The following RIT2 variants were observed in gnomAD, a reference collection of about 807,000 sequenced individuals.
The protein encoded by RIT2 is GTP-binding protein Rit2.
In RIT2, 24 loss-of-function variants were observed where a neutral mutation model predicts 23.7. That is an observed-to-expected ratio of 1.01 (90% confidence interval 0.73 to 1.43). The LOEUF is 1.43. Ranked by LOEUF, RIT2 falls within the 40% of genes most tolerant of loss-of-function variation. RIT2 has a pLI of 0.00. For missense variants in RIT2, 236 were observed against 266.9 expected, an observed-to-expected ratio of 0.88 and a Z score of 0.81; for synonymous variants, 107 against 91.1, an observed-to-expected ratio of 1.17 and a Z score of -0.99.
intron 4 of RIT2, among the ~76,000 whole-genome samples, chr18:42,859,905 G>A (rs1907282040): frequency 6.6e-6 from 1 of 151,780 alleles, no homozygotes. Flanking sequence ...AAGTAGCTGG[G>A]ACTACAGGTG....
intron 2 of RIT2, among the ~76,000 whole-genome samples, chr18:42,974,844 A>G (rs188138269): frequency 1.3e-5 from 2 of 152,082 alleles, no homozygotes; most frequent in Non-Finnish European, 2.9e-5. Flanking sequence ...GAATTAACAA[A>G]GGATGTGAAG....
chr18:42,974,186 A>G, intron 2 of RIT2, 39 bp from the exon 3 acceptor site: 7 of 1,356,428 alleles, frequency 5.2e-6, no homozygotes, highest in Non-Finnish European at 7.3e-6. Flanking sequence ...TAAATGTGAC[A>G]GGAAAGGCAT....
chr18:42,995,072 C>T (rs1483592127), intron 2 of RIT2, among the ~76,000 whole-genome samples: 2 of 152,102 alleles, frequency 1.3e-5, no homozygotes, highest in African/African-American at 4.8e-5. Context: ...TGTTCCTCAC[C>T]CTGATCACAC....
At chr18:42,920,180 G>A (rs1360834142) in intron 4 of RIT2, among the ~76,000 whole-genome samples, 3 of 152,120 alleles carry the variant, frequency 2.0e-5, no homozygotes, top group South Asian at 4.1e-4. Flanking sequence ...TCCATAAGAT[G>A]CTACTGCTCT....
Position 42,743,425 on chromosome 18 carries a change from G to C in RIT2, c.*68C>G, listed in dbSNP as rs1306484028. ...CACATAGAGAGATAATATTGAAGCA[G>C]AATGCTACATATGGAATTGTCCAAC... On this transcript the variant is annotated 3_prime_UTR_variant, in exon 5 of 5. Transcript: ENST00000326695. 3 of 1,138,156 alleles carry C rather than the reference G, an allele frequency of 2.6e-6. No individual in the cohort carries two copies. The highest frequency in any genetic ancestry group is 2.6e-6 in the Non-Finnish European group (2 of 761,110). The allele number at this position is 1,138,156 out of a possible 1,614,324, so 70.5% of individuals were successfully genotyped here. A position where few individuals can be genotyped will look rare whatever the true frequency, so the allele number is the denominator to read the frequency against.
chr18:42,809,906 AATAT>A (rs1479987187), intron 4 of RIT2, among the ~76,000 whole-genome samples: 1 of 125,606 alleles, frequency 8.0e-6, no homozygotes, highest in East Asian at 2.0e-4. Flanking sequence ...TATTATATAT[AATAT>A]ATATAATTTG....
chr18:43,051,841 T>C (rs1428344008), intron 1 of RIT2, among the ~76,000 whole-genome samples: 1 of 152,142 alleles, frequency 6.6e-6, no homozygotes, highest in African/African-American at 2.4e-5. Flanking sequence ...CTTTGTAACT[T>C]GTTATGGAGA....
At chr18:42,995,025 T>C (rs180743482) in intron 2 of RIT2, among the ~76,000 whole-genome samples, 266 of 152,246 alleles carry the variant, frequency 1.7e-3, no homozygotes, top group Middle Eastern at 3.4e-3. Context: ...CTGATCCACC[T>C]GATGTTCACC....
At chr18:42,806,660 A>C (rs1436678059) in intron 4 of RIT2, among the ~76,000 whole-genome samples, 1 of 152,220 alleles carries the variant, frequency 6.6e-6, no homozygotes, top group African/African-American at 2.4e-5. Flanking sequence ...ATAAGCTAGT[A>C]GCAAGTTACT....
intron 4 of RIT2, among the ~76,000 whole-genome samples, chr18:42,823,310 T>C (rs1906202810): frequency 6.6e-6 from 1 of 152,172 alleles, no homozygotes; most frequent in South Asian, 2.1e-4. Flanking sequence ...ACTGTGGAGA[T>C]GGATATGGCC....
chr18:42,824,757 ATG>A (rs113714294), intron 4 of RIT2, among the ~76,000 whole-genome samples: 115 of 148,376 alleles, frequency 7.8e-4, no homozygotes, highest in South Asian at 1.5e-3. Context: ...CTTTGTGTGT[ATG>A]TGTGTGTGTG....
chr18:42,982,820 A>G (rs946140258), intron 2 of RIT2, among the ~76,000 whole-genome samples: 2 of 151,838 alleles, frequency 1.3e-5, no homozygotes, highest in Admixed American at 6.6e-5. Flanking sequence ...AAATTATACA[A>G]TACTAATGAA....
intron 3 of RIT2, among the ~76,000 whole-genome samples, chr18:42,971,711 G>C (rs1405692105): frequency 3.3e-5 from 5 of 151,936 alleles, no homozygotes; most frequent in Admixed American, 2.0e-4. Context: ...CTTTCTTTGG[G>C]TTGGGTTTAG....
At chr18:42,969,698 TGCAGAATTAATTTTTTTGCTTCTAATAA>T (rs1204929391) in intron 3 of RIT2, among the ~76,000 whole-genome samples, 2 of 152,066 alleles carry the variant, frequency 1.3e-5, no homozygotes, top group East Asian at 3.9e-4. Flanking sequence ...TGAAGGTATT[TGCAGAATTAATTTTTTTGCTTCTAATAA>T]GAATGAGGAT....
chr18:43,023,234 C>A (rs1022613428), intron 2 of RIT2, among the ~76,000 whole-genome samples: 4 of 151,984 alleles, frequency 2.6e-5, no homozygotes, highest in Non-Finnish European at 4.4e-5. Context: ...TATGATTTCT[C>A]CTCTTTTATG....
intron 4 of RIT2, among the ~76,000 whole-genome samples, chr18:42,765,134 G>A (rs1913391005): frequency 6.6e-6 from 1 of 152,176 alleles, no homozygotes; most frequent in Non-Finnish European, 1.5e-5. Context: ...TTGGTAGGGT[G>A]AATGTTTTGC....
intron 3 of RIT2, among the ~76,000 whole-genome samples, chr18:42,943,083 A>G (rs909818394): frequency 1.3e-5 from 2 of 151,994 alleles, no homozygotes; most frequent in African/African-American, 4.8e-5. Flanking sequence ...GAAAGAACAA[A>G]GCTCCTACAG....
intron 1 of RIT2, among the ~76,000 whole-genome samples, chr18:43,098,840 C>T (rs1913615431): frequency 6.6e-6 from 1 of 151,954 alleles, no homozygotes; most frequent in Non-Finnish European, 1.5e-5. Context: ...GATTTAAATG[C>T]TGGTAGCAAG....
At chr18:42,948,231 T>C (rs1909771788) in intron 3 of RIT2, among the ~76,000 whole-genome samples, 2 of 152,104 alleles carry the variant, frequency 1.3e-5, no homozygotes, top group African/African-American at 4.8e-5. Flanking sequence ...AAAATAATTT[T>C]CTTAAATAAT....
Sources: gnomAD v4.1 joint callset for allele counts (sites outside exome capture counted in the v4.1 genomes callset) on GRCh38, gnomAD v4.1.1 for gene constraint, MANE v1.5 for transcripts, NCBI Gene and HGNC (gene_info 2026-07-23, HGNC 2026-07-21) for gene names.